DCC: variants seen among roughly 807,000 people sequenced by gnomAD.
The protein encoded by DCC is DCC netrin 1 receptor, also known as netrin receptor DCC.
In DCC, 58 loss-of-function variants were observed where a neutral mutation model predicts 172.5. The observed-to-expected ratio is 0.34, with a 90% CI of 0.27 to 0.42. The LOEUF (loss-of-function observed/expected upper bound fraction) is 0.42, where lower values mean the gene tolerates loss of function less well. Ranked by LOEUF, DCC falls within the 10% of genes least tolerant of loss-of-function variation. DCC has a pLI of 1.00. For missense variants in DCC, 1,740 were observed against 1,791.0 expected (o/e 0.97, Z 0.51); for synonymous variants, 709 against 644.5 (o/e 1.10, Z -1.52).
chr18:52,948,393 T>C (rs1482385125), intron 5 of DCC, among the ~76,000 whole-genome samples: 2 of 152,124 alleles, frequency 1.3e-5, no homozygotes, highest in African/African-American at 4.8e-5. Flanking sequence ...TTATGAATGA[T>C]ATTGAACAAT....
intron 1 of DCC, among the ~76,000 whole-genome samples, chr18:52,618,656 T>C (rs1007041531): frequency 3.3e-5 from 5 of 152,218 alleles, no homozygotes; most frequent in Admixed American, 2.0e-4. Flanking sequence ...ATGTTTAATC[T>C]CTTAGGTTTC....
intron 1 of DCC, among the ~76,000 whole-genome samples, chr18:52,682,182 C>G (rs966784590): frequency 7.9e-5 from 12 of 152,018 alleles, no homozygotes; most frequent in Non-Finnish European, 1.6e-4. Context: ...CAAATATGAA[C>G]CGGTCAATGT....
At chr18:53,146,049 TGATG>T in intron 7 of DCC, among the ~76,000 whole-genome samples, 1 of 151,918 alleles carries the variant, frequency 6.6e-6, no homozygotes, top group Admixed American at 6.6e-5. Context: ...CTGGCCAACA[TGATG>T]AAACCTTATC....
intron 1 of DCC, among the ~76,000 whole-genome samples, chr18:52,703,351 CCTT>C (rs928076337): frequency 6.6e-6 from 1 of 152,142 alleles, no homozygotes; most frequent in Non-Finnish European, 1.5e-5. Context: ...CCTTCATTGT[CCTT>C]CTGAGTCTAT....
At chr18:53,402,260 T>A (rs978035786) in intron 18 of DCC, among the ~76,000 whole-genome samples, 1 of 151,982 alleles carries the variant, frequency 6.6e-6, no homozygotes, top group Non-Finnish European at 1.5e-5. Flanking sequence ...AGTAGTGGTG[T>A]GCAACAGTGG....
chr18:53,514,254 G>A (rs1231766744), intron 27 of DCC, among the ~76,000 whole-genome samples: 2 of 151,974 alleles, frequency 1.3e-5, no homozygotes, highest in African/African-American at 4.8e-5. Context: ...TGAAACCAAC[G>A]AGAACAAAGA....
intron 12 of DCC, among the ~76,000 whole-genome samples, chr18:53,281,438 A>T (rs950804873): frequency 6.6e-6 from 1 of 152,154 alleles, no homozygotes; most frequent in Non-Finnish European, 1.5e-5. Context: ...TTAATCCATA[A>T]ATATTTCTTT....
chr18:52,832,351 C>T (rs2038630512), intron 2 of DCC, among the ~76,000 whole-genome samples: 2 of 152,058 alleles, frequency 1.3e-5, no homozygotes, highest in South Asian at 4.2e-4. Flanking sequence ...TAAATGAGAA[C>T]TCTATTGTGG....
intron 1 of DCC, among the ~76,000 whole-genome samples, chr18:52,414,658 G>A (rs1312854757): frequency 6.6e-6 from 1 of 152,160 alleles, no homozygotes; most frequent in African/African-American, 2.4e-5. Context: ...CTCCAATAAA[G>A]CCATGAGACT....
intron 2 of DCC, among the ~76,000 whole-genome samples, chr18:52,835,848 A>C (rs968275673): frequency 6.6e-6 from 1 of 152,234 alleles, no homozygotes; most frequent in Non-Finnish European, 1.5e-5. Flanking sequence ...ACATTTAAAA[A>C]TATTTCAAAA....
chr18:52,397,354 T>A (rs1408169141), intron 1 of DCC, among the ~76,000 whole-genome samples: 1 of 152,050 alleles, frequency 6.6e-6, no homozygotes, highest in African/African-American at 2.4e-5. Flanking sequence ...GGTGGCAATT[T>A]CCATTTATTC....
chr18:53,508,250 T>C (rs1217801473), intron 27 of DCC, among the ~76,000 whole-genome samples: 1 of 151,140 alleles, frequency 6.6e-6, no homozygotes, highest in Non-Finnish European at 1.5e-5. Flanking sequence ...TAGAGTGCAC[T>C]GGCTCAATCA....
intron 5 of DCC, among the ~76,000 whole-genome samples, chr18:52,946,449 C>T (rs1313193391): frequency 6.6e-6 from 1 of 152,036 alleles, no homozygotes; most frequent in Non-Finnish European, 1.5e-5. Flanking sequence ...CTACCTAAAA[C>T]TTAGCAACTT....
chr18:53,448,450 C>T (rs1000866407), intron 22 of DCC, among the ~76,000 whole-genome samples: 1 of 152,130 alleles, frequency 6.6e-6, no homozygotes, highest in African/African-American at 2.4e-5. Flanking sequence ...GACCAGCATG[C>T]GGGTAAACAC....
At chr18:53,413,407 A>C (rs998556010) in intron 20 of DCC, among the ~76,000 whole-genome samples, 6 of 152,346 alleles carry the variant, frequency 3.9e-5, no homozygotes, top group Admixed American at 1.3e-4. Flanking sequence ...GAAACATATG[A>C]TAGAAAAAAA....
intron 10 of DCC, 81 bp from the exon 11 acceptor site, chr18:53,207,598 A>G (rs983186282): frequency 1.5e-6 from 2 of 1,317,702 alleles, no homozygotes; most frequent in East Asian, 4.6e-5. Context: ...CTAATGTCCA[A>G]TTCACTGATT....
At chr18:52,401,791 G>A (rs1053253815) in intron 1 of DCC, among the ~76,000 whole-genome samples, 1 of 151,890 alleles carries the variant, frequency 6.6e-6, no homozygotes, top group Admixed American at 6.6e-5. Context: ...ATTTTAGGAA[G>A]GCTTAACAAA....
At chr18:52,789,553 C>T (rs76945211) in intron 2 of DCC, among the ~76,000 whole-genome samples, 1,978 of 152,240 alleles carry the variant, frequency 0.013, 32 homozygotes, top group African/African-American at 0.045. Flanking sequence ...ACTTTAGCCA[C>T]GCTAAGCAGT....
chr18:52,378,554 T>C (rs1323939029), intron 1 of DCC, among the ~76,000 whole-genome samples: 1 of 152,034 alleles, frequency 6.6e-6, no homozygotes, highest in Admixed American at 6.6e-5. Context: ...ATATACTTTT[T>C]TTGAGAGAGA....
Sources: gnomAD v4.1 joint callset for allele counts (sites outside exome capture counted in the v4.1 genomes callset) on GRCh38, gnomAD v4.1.1 for gene constraint, MANE v1.5 for transcripts, NCBI Gene and HGNC (gene_info 2026-07-23, HGNC 2026-07-21) for gene names.